The following FILIP1 variants were observed in gnomAD, a reference collection of about 807,000 sequenced individuals.
FILIP1 encodes the protein filamin A interacting protein 1.
FILIP1 carries 61 observed loss-of-function variants against 102.1 expected under a neutral mutation model. That is an observed-to-expected ratio of 0.60 (90% CI 0.49 to 0.74). The LOEUF is 0.74. FILIP1 is among the 30% of genes least tolerant of loss of function. The pLI is 0.00. For missense variants in FILIP1, 1,314 were observed against 1,441.2 expected (o/e 0.91, Z 1.43); for synonymous variants, 491 against 526.9 (o/e 0.93, Z 0.93).
intron 2 of FILIP1, among the ~76,000 whole-genome samples, chr6:75,395,279 A>AT (rs886341498): frequency 3.3e-5 from 5 of 151,628 alleles, no homozygotes; most frequent in African/African-American, 4.8e-5. Context: ...TTTTAACATA[A>AT]TTTTTTTTTC....
At chr6:75,460,627 G>A (rs1247008124) in intron 1 of FILIP1, among the ~76,000 whole-genome samples, 3 of 152,140 alleles carry the variant, frequency 2.0e-5, no homozygotes, top group Non-Finnish European at 4.4e-5. Context: ...TTTCTTCTGA[G>A]GCTTGATTTA....
At chr6:75,405,843 C>T (rs1351699660) in intron 2 of FILIP1, among the ~76,000 whole-genome samples, 1 of 152,030 alleles carries the variant, frequency 6.6e-6, no homozygotes, top group Non-Finnish European at 1.5e-5. Flanking sequence ...AGTAGGTAAT[C>T]GGAATGAGAC....
intron 1 of FILIP1, among the ~76,000 whole-genome samples, chr6:75,453,521 G>A (rs563111891): frequency 4.6e-5 from 7 of 152,244 alleles, no homozygotes; most frequent in Admixed American, 2.6e-4. Context: ...TTTTAAGAGA[G>A]GGAGAAAGGC....
rs1307079675 is a variant in FILIP1 at position 75,372,703 on chromosome 6, A to AAG, written c.277-9788_277-9787dup. 1.6e-3 allele frequency among the ~76,000 whole-genome samples: 90 copies of AAG among 54,858 alleles called. 1 individual carries two copies. The highest frequency in any genetic ancestry group is 8.2e-3 in the African/African-American group (70 of 8,568). 36.0% of individuals were successfully genotyped at this position (54,858 alleles called of 152,430 possible). On this transcript the variant is annotated intron_variant, in intron 2 of 5. Transcript: ENST00000237172. ...AAAGAAAGAGAAAGAAAGAGAAAGA[A>AAG]AGAAAGAAAGGAAAGAAAGAGAAAG...
chr6:75,408,332 C>T (rs1459832466), intron 2 of FILIP1, among the ~76,000 whole-genome samples: 3 of 152,166 alleles, frequency 2.0e-5, no homozygotes, highest in Non-Finnish European at 4.4e-5. Context: ...GGTCACATTA[C>T]TGGTTCTAGA....
chr6:75,376,552 T>A (rs1440648308), intron 2 of FILIP1, among the ~76,000 whole-genome samples: 1 of 152,168 alleles, frequency 6.6e-6, no homozygotes, highest in East Asian at 1.9e-4. Flanking sequence ...ATCTGTGAAG[T>A]GACTAATATA....
chr6:75,344,218 T>C (rs1380029401), intron 4 of FILIP1, among the ~76,000 whole-genome samples: 1 of 152,188 alleles, frequency 6.6e-6, no homozygotes, highest in African/African-American at 2.4e-5. Context: ...CTTTCTTCTT[T>C]CTGTTTTGTA....
chr6:75,441,395 C>T (rs1332286350), intron 1 of FILIP1, among the ~76,000 whole-genome samples: 1 of 152,240 alleles, frequency 6.6e-6, no homozygotes, highest in African/African-American at 2.4e-5. Context: ...TACACAGACA[C>T]GGCAACCATC....
chr6:75,396,860 G>A (rs2149664953), intron 2 of FILIP1, among the ~76,000 whole-genome samples: 1 of 152,120 alleles, frequency 6.6e-6, no homozygotes, highest in South Asian at 2.1e-4. Flanking sequence ...TCTTTGCTCA[G>A]GTATTTTGTA....
rs34187689 is a variant in FILIP1, at chr6:75,391,986, G to T, written c.276+22711C>A. 5.6e-3 allele frequency among the ~76,000 whole-genome samples: 858 copies of T among 152,190 alleles called. 3 individuals are homozygous for T. Among genetic ancestry groups the T allele is most frequent in the Middle Eastern group, 0.024 (7 of 294 alleles). ...GATCTGTCTATTGCTGAATTCAATG[G>T]TCAACTCTCACTCCTCATTTTTCTT... is the stretch of plus-strand genomic sequence containing the variant. On this transcript the variant is annotated intron_variant, in intron 2 of 5. Transcript: ENST00000237172.
At chr6:75,440,191 T>C (rs983301400) in intron 1 of FILIP1, among the ~76,000 whole-genome samples, 4 of 152,196 alleles carry the variant, frequency 2.6e-5, no homozygotes, top group Admixed American at 1.3e-4. Context: ...TTTTTGGGAA[T>C]CTAACATTAT....
chr6:75,421,510 C>T (rs1777464345), intron 1 of FILIP1, among the ~76,000 whole-genome samples: 1 of 152,122 alleles, frequency 6.6e-6, no homozygotes, highest in Non-Finnish European at 1.5e-5. Context: ...ATCCCTCAAA[C>T]TTGAGGCTGG....
chr6:75,371,452 G>C (rs1464185322), intron 2 of FILIP1, among the ~76,000 whole-genome samples: 1 of 152,112 alleles, frequency 6.6e-6, no homozygotes, highest in Non-Finnish European at 1.5e-5. Context: ...TCCCAATTAT[G>C]ACTTTGCAGA....
chr6:75,433,885 A>C (rs994522221), intron 1 of FILIP1, among the ~76,000 whole-genome samples: 6 of 152,134 alleles, frequency 3.9e-5, no homozygotes, highest in African/African-American at 7.2e-5. Flanking sequence ...AGGAAGGGAT[A>C]CAGTTTCAGC....
chr6:75,465,462 G>A, intron 1 of FILIP1: 1 of 955,958 alleles, frequency 1.0e-6, no homozygotes, highest in Non-Finnish European at 1.6e-6. Context: ...TAGCAAAATG[G>A]CAGAATTCAT....
chr6:75,306,645 A>G (rs376129749), downstream of FILIP1, among the ~76,000 whole-genome samples: 51 of 152,296 alleles, frequency 3.3e-4, no homozygotes, highest in African/African-American at 1.2e-3. Context: ...CTCTTGTTCA[A>G]ATTTACCCAA....
intron 1 of FILIP1, among the ~76,000 whole-genome samples, chr6:75,481,224 C>T (rs1185559470): frequency 6.6e-6 from 1 of 152,134 alleles, no homozygotes; most frequent in Non-Finnish European, 1.5e-5. Flanking sequence ...CCCGTAACTC[C>T]TGTTAGAGAG....
At chr6:75,423,480 A>G (rs1404934944) in intron 1 of FILIP1, among the ~76,000 whole-genome samples, 1 of 152,154 alleles carries the variant, frequency 6.6e-6, no homozygotes, top group Non-Finnish European at 1.5e-5. Flanking sequence ...GCACCAAAAA[A>G]AGGTCACGGT....
At chr6:75,379,085 G>A (rs1224721824) in intron 2 of FILIP1, among the ~76,000 whole-genome samples, 9 of 152,064 alleles carry the variant, frequency 5.9e-5, no homozygotes, top group Non-Finnish European at 1.2e-4. Context: ...GAGAAATCTA[G>A]GCTGAAGTAA....
Sources: gnomAD v4.1 joint callset for allele counts (sites outside exome capture counted in the v4.1 genomes callset) on GRCh38, gnomAD v4.1.1 for gene constraint, MANE v1.5 for transcripts, NCBI Gene and HGNC (gene_info 2026-07-23, HGNC 2026-07-21) for gene names.